The following ZNF556 variants were observed in gnomAD, a reference collection of about 807,000 sequenced individuals.
ZNF556 encodes the protein zinc finger protein 556.
A neutral mutation model predicts 13.6 loss-of-function variants in ZNF556; 11 were observed. The observed-to-expected ratio is 0.81, with a 90% CI of 0.51 to 1.33. ZNF556 has a LOEUF of 1.33. Ranked by LOEUF, ZNF556 falls within the 40% of genes most tolerant of loss-of-function variation. The probability of loss-of-function intolerance (pLI) is 0.00; values close to 1 mark genes in which losing one functional copy is unlikely to be tolerated. For missense variants in ZNF556, 633 were observed against 566.2 expected (o/e 1.12, Z -1.20); for synonymous variants, 229 against 207.8 (o/e 1.10, Z -0.88).
At chr19:2,867,977 T>C (rs1218492572) in intron 1 of ZNF556, among the ~76,000 whole-genome samples, 1 of 152,236 alleles carries the variant, frequency 6.6e-6, no homozygotes, top group Non-Finnish European at 1.5e-5. Context: ...CTCAGATTTT[T>C]TCAGTCAATG....
rs2087909988 is a variant in ZNF556 at position 2,882,310 on chromosome 19, C to T, written c.*3981C>T. On this transcript the variant is annotated 3_prime_UTR_variant, in exon 4 of 4. Coordinates refer to ENST00000307635, the MANE Select transcript of ZNF556 (RefSeq NM_024967.3). ...GGGCGTGGTGGCAGGTGCCTGTAGT[C>T]CCAGCTACTCGGGAGGCTGAGGCAG... 6.7e-6 allele frequency: 1 copy of T among 149,420 alleles called. No individual in the cohort carries two copies. Among genetic ancestry groups the T allele is most frequent in the South Asian group, 2.1e-4 (1 of 4,670 alleles). 9.3% of individuals were successfully genotyped at this position (149,420 alleles called of 1,614,324 possible).
chr19:2,881,590 A>ACAT lies in ZNF556; in HGVS notation c.*3261_*3262insCAT, dbSNP rs1568356491. 6.7e-6 allele frequency: 1 copy of ACAT among 148,312 alleles called. No homozygotes were observed. The highest frequency in any genetic ancestry group is 2.5e-5 in the African/African-American group (1 of 39,272). 9.2% of individuals were successfully genotyped at this position (148,312 alleles called of 1,614,324 possible). On this transcript the variant is annotated 3_prime_UTR_variant, in exon 4 of 4. Coordinates refer to ENST00000307635, the MANE Select transcript of ZNF556 (RefSeq NM_024967.3). ...AAGACTCCATCTCAAAAAAAAAAAA[A>ACAT]TTTTTTTTTTGGATAATATCAAGGC...
intron 2 of ZNF556, among the ~76,000 whole-genome samples, chr19:2,873,948 C>T (rs1214646873): frequency 1.3e-5 from 2 of 151,886 alleles, no homozygotes; most frequent in East Asian, 1.9e-4. Context: ...CAACTTGAGA[C>T]CCTGTCTCAA....
rs768132032 is a variant in ZNF556, at chr19:2,877,386, G to C, written c.428G>C (p.Ser143Thr). 6.2e-7 allele frequency: 1 copy of C among 1,614,174 alleles called. No individual in the cohort carries two copies. Among genetic ancestry groups the C allele is most frequent in the South Asian group, 1.1e-5 (1 of 91,088 alleles). Reference sequence around the variant, plus strand: ...CATCTGCGCAAGAATTGTTGTACTAGTGTAAGACGGTACGAATGCAGTCAG... The same window carrying C: ...CATCTGCGCAAGAATTGTTGTACTACTGTAAGACGGTACGAATGCAGTCAG... The part of the protein sequence containing the change: ...NRHLRKNCCT[S>T]VRRYECSQCG... The change falls in exon 4 of 4, where the codon AGT (serine) becomes ACT (threonine). Residue 143 changes from serine to threonine, a missense_variant. Physicochemically the swap from Ser to Thr is moderately conservative, Grantham distance 58. Coordinates refer to ENST00000307635, the MANE Select transcript of ZNF556 (RefSeq NM_024967.3).
chr19:2,881,014 C>T lies in ZNF556; in HGVS notation c.*2685C>T, dbSNP rs1318031292. 6.6e-6 allele frequency: 1 copy of T among 151,320 alleles called. No individual in the cohort carries two copies. The highest frequency in any genetic ancestry group is 2.4e-5 in the African/African-American group (1 of 41,208). The allele number at this position is 151,320 out of a possible 1,614,324, so 9.4% of individuals were successfully genotyped here. On this transcript the variant is annotated 3_prime_UTR_variant, in exon 4 of 4. Transcript: ENST00000307635. Reference sequence around the variant, plus strand: ...TCCTGAAGAGCTGGGATTACAGGCACCCGCCACCACACCCGGCTAATTTTT... The same window carrying T: ...TCCTGAAGAGCTGGGATTACAGGCATCCGCCACCACACCCGGCTAATTTTT...
chr19:2,868,458 G>A (rs1164999315), intron 1 of ZNF556, among the ~76,000 whole-genome samples: 2 of 152,102 alleles, frequency 1.3e-5, no homozygotes, highest in African/African-American at 4.8e-5. Context: ...TGTCACCCAG[G>A]CTGGAGTGCA....
rs757811036 is a variant in ZNF556, at chr19:2,878,954, C to G, written c.*625C>G. On this transcript the variant is annotated 3_prime_UTR_variant, in exon 4 of 4. Coordinates refer to ENST00000307635, the MANE Select transcript of ZNF556 (RefSeq NM_024967.3). ...TCTGATGTATTTTAATATGCATTAA[C>G]TTTAATTTTTATATATTTTTTTTGT... 1 of 152,188 alleles carries G rather than the reference C, an allele frequency of 6.6e-6. No individual in the cohort carries two copies. The highest frequency in any genetic ancestry group is 1.9e-4 in the East Asian group (1 of 5,182). The allele number at this position is 152,188 out of a possible 1,614,324, so 9.4% of individuals were successfully genotyped here.
At chr19:2,876,426 CT>C in intron 3 of ZNF556, 150 bp downstream of exon 3, 1 of 749,614 alleles carries the variant, frequency 1.3e-6, no homozygotes, top group Non-Finnish European at 2.0e-6. Flanking sequence ...CTTGTCTCTA[CT>C]AAAAATACAA....
chr19:2,869,574 G>A (rs1818046718), intron 1 of ZNF556, among the ~76,000 whole-genome samples: 1 of 152,040 alleles, frequency 6.6e-6, no homozygotes, highest in Non-Finnish European at 1.5e-5. Flanking sequence ...CACCTTGTCA[G>A]CCAGGATGGT....
At chr19:2,871,641 A>G (rs1298916518) in intron 1 of ZNF556, among the ~76,000 whole-genome samples, 3 of 152,160 alleles carry the variant, frequency 2.0e-5, no homozygotes, top group African/African-American at 7.2e-5. Context: ...GTGAAACCCC[A>G]TCTCTACTAA....
intron 2 of ZNF556, among the ~76,000 whole-genome samples, chr19:2,874,044 C>T (rs1025423844): frequency 1.0e-4 from 15 of 150,596 alleles, no homozygotes; most frequent in Admixed American, 6.6e-5. Flanking sequence ...ATTGCCTGAG[C>T]TCAGGAGTTC....
At chr19:2,869,869 A>G (rs979600602) in intron 1 of ZNF556, among the ~76,000 whole-genome samples, 7 of 152,066 alleles carry the variant, frequency 4.6e-5, no homozygotes, top group African/African-American at 1.7e-4. Flanking sequence ...CAAAGTCCTT[A>G]CTGTGGCTGA....
Position 2,876,143 on chromosome 19 carries a change from T to C in ZNF556, c.181T>C (p.Ser61Pro). Residue 61 changes from serine (S) to proline (P), a missense_variant, in exon 3 of 4, where the codon TCT (serine) becomes CCT (proline). By Grantham distance (74) the Ser-to-Pro change is moderately conservative. Coordinates refer to ENST00000307635, the MANE Select transcript of ZNF556 (RefSeq NM_024967.3). ...TGGGTCTATTTCTCAGCAGGATACT[T>C]CTGGAGAAAAATTATCCCTCAAACA... ...ASGSISQQDT[S>P]GEKLSLKQKI... 6.2e-7 allele frequency: 1 copy of C among 1,613,042 alleles called. No individual in the cohort carries two copies. The highest frequency in any genetic ancestry group is 8.5e-7 in the Non-Finnish European group (1 of 1,179,756).
rs57053138 is a variant in ZNF556 at position 2,882,531 on chromosome 19, A to ATATATAGTGTGTGTGTGTGTGTGTGTGT, written c.*4202_*4203insTATATAGTGTGTGTGTGTGTGTGTGTGT. 3 of 127,722 alleles carry ATATATAGTGTGTGTGTGTGTGTGTGTGT rather than the reference A, an allele frequency of 2.3e-5. No individual in the cohort carries two copies. Among genetic ancestry groups the ATATATAGTGTGTGTGTGTGTGTGTGTGT allele is most frequent in the African/African-American group, 9.1e-5 (3 of 32,940 alleles). 7.9% of individuals were successfully genotyped at this position (127,722 alleles called of 1,614,324 possible). On this transcript the variant is annotated 3_prime_UTR_variant, in exon 4 of 4. Coordinates refer to ENST00000307635, the MANE Select transcript of ZNF556 (RefSeq NM_024967.3). The stretch of plus-strand genomic sequence containing the variant: ...ATACATTTTATATATATATATATAT[A>ATATATAGTGTGTGTGTGTGTGTGTGTGT]GTGTGTGTGTGTGTGTGTGTGTGTG...
intron 1 of ZNF556, among the ~76,000 whole-genome samples, chr19:2,870,794 C>G (rs538062864): frequency 6.8e-6 from 1 of 147,222 alleles, no homozygotes; most frequent in African/African-American, 2.5e-5. Context: ...AATCCCAGCA[C>G]TTTGGGAGGC....
rs1049661981 is a variant in ZNF556, at chr19:2,879,832, C to T, written c.*1503C>T. Reference sequence around the variant, plus strand: ...GATCACGAGGTCAGGAAATCGAGACCATCCTGGCTATCATGGTGAAACCCC... The same window carrying T: ...GATCACGAGGTCAGGAAATCGAGACTATCCTGGCTATCATGGTGAAACCCC... On this transcript the variant is annotated 3_prime_UTR_variant, in exon 4 of 4. Coordinates refer to ENST00000307635, the MANE Select transcript of ZNF556 (RefSeq NM_024967.3). 2.6e-5 allele frequency: 4 copies of T among 151,210 alleles called. No homozygotes were observed. Among genetic ancestry groups the T allele is most frequent in the South Asian group, 2.1e-4 (1 of 4,716 alleles). 9.4% of individuals were successfully genotyped at this position (151,210 alleles called of 1,614,324 possible). A position where few individuals can be genotyped will look rare whatever the true frequency, so the allele number is the denominator to read the frequency against.
intron 1 of ZNF556, among the ~76,000 whole-genome samples, chr19:2,868,388 A>G (rs543398586): frequency 1.3e-5 from 2 of 152,180 alleles, no homozygotes; most frequent in Non-Finnish European, 2.9e-5. Flanking sequence ...AGAATTTGTG[A>G]TAGATGATAA....
rs1195974137 is a variant in ZNF556 at position 2,877,383 on chromosome 19, C to T, written c.425C>T (p.Thr142Ile). The change falls in exon 4 of 4, where the codon ACT becomes ATT. Residue 142 changes from threonine (T) to isoleucine (I), a missense_variant. By Grantham distance (89) the Thr-to-Ile change is moderately conservative. Transcript: ENST00000307635. ...CNRHLRKNCC[T>I]SVRRYECSQC... ...CGTCATCTGCGCAAGAATTGTTGTA[C>T]TAGTGTAAGACGGTACGAATGCAGT... 7 of 1,614,140 alleles carry T rather than the reference C, an allele frequency of 4.3e-6. No homozygotes were observed. The highest frequency in any genetic ancestry group is 5.9e-6 in the Non-Finnish European group (7 of 1,180,036).
rs768707773 is a variant in ZNF556 at position 2,878,297 on chromosome 19, C to A, written c.1339C>A (p.His447Asn). ...PKAFQGHVRS[H>N]TGKKSCTSK ...AGCCTTTCAAGGTCATGTGAGAAGT[C>A]ACACAGGAAAGAAATCCTGTACATC... Residue 447 changes from histidine (H) to asparagine (N), a missense_variant, in exon 4 of 4, where the codon CAC (histidine) becomes AAC (asparagine). Physicochemically the swap from His to Asn is moderately conservative, Grantham distance 68 (BLOSUM62 1). Transcript: ENST00000307635. 1 of 1,613,800 alleles carries A rather than the reference C, an allele frequency of 6.2e-7. No individual in the cohort carries two copies. The highest frequency in any genetic ancestry group is 1.3e-5 in the African/African-American group (1 of 74,870).
Sources: gnomAD v4.1 joint callset for allele counts (sites outside exome capture counted in the v4.1 genomes callset) on GRCh38, gnomAD v4.1.1 for gene constraint, MANE v1.5 for transcripts, NCBI Gene and HGNC (gene_info 2026-07-23, HGNC 2026-07-21) for gene names.